The following R3HCC1L variants were observed in gnomAD, a reference collection of about 807,000 sequenced individuals.
R3HCC1L encodes R3H domain and coiled-coil containing 1 like, also known as coiled-coil domain-containing protein R3HCC1L.
In R3HCC1L, 51 loss-of-function variants were observed where a neutral mutation model predicts 59.9. The ratio of observed to expected loss-of-function variants is 0.85; its 90% CI spans 0.68 to 1.07. R3HCC1L has a LOEUF of 1.07. Ranked by LOEUF, R3HCC1L falls within the 50% of genes least tolerant of loss-of-function variation. R3HCC1L has a pLI of 0.00. For missense variants in R3HCC1L, 965 were observed against 933.0 expected, an observed-to-expected ratio of 1.03 and a Z score of -0.45; for synonymous variants, 322 against 315.2, an observed-to-expected ratio of 1.02 and a Z score of -0.23.
intron 4 of R3HCC1L, among the ~76,000 whole-genome samples, chr10:98,193,726 T>C (rs909562484): frequency 2.6e-5 from 4 of 152,166 alleles, no homozygotes; most frequent in Non-Finnish European, 5.9e-5. Flanking sequence ...TCAATGAGCA[T>C]TTCCCTTGAG....
chr10:98,221,654 G>T (rs374174204), intron 5 of R3HCC1L, among the ~76,000 whole-genome samples: 19 of 151,852 alleles, frequency 1.3e-4, no homozygotes, highest in East Asian at 3.9e-4. Flanking sequence ...CCCATTGCTT[G>T]TTTTTGTCAG....
chr10:98,189,261 G>T (rs944021525), intron 4 of R3HCC1L, among the ~76,000 whole-genome samples: 1 of 152,154 alleles, frequency 6.6e-6, no homozygotes, highest in Non-Finnish European at 1.5e-5. Flanking sequence ...AAAAAATAGT[G>T]ATCTGGAGGT....
chr10:98,243,439 G>C (rs1857757459), intron 9 of R3HCC1L, among the ~76,000 whole-genome samples: 1 of 152,172 alleles, frequency 6.6e-6, no homozygotes, highest in African/African-American at 2.4e-5. Flanking sequence ...AAGTGTTATG[G>C]AGAACCAAGC....
intron 5 of R3HCC1L, among the ~76,000 whole-genome samples, chr10:98,222,129 CT>C (rs1231009687): frequency 1.3e-5 from 2 of 152,042 alleles, no homozygotes; most frequent in African/African-American, 4.8e-5. Flanking sequence ...GTATTTTATT[CT>C]TTTTGAAGCA....
At chr10:98,191,809 A>G (rs1191805722) in intron 4 of R3HCC1L, among the ~76,000 whole-genome samples, 1 of 152,088 alleles carries the variant, frequency 6.6e-6, no homozygotes, top group Admixed American at 6.6e-5. Context: ...TCTTTAATCC[A>G]TCTTGAATCA....
In R3HCC1L at chr10:98,208,317, CT is replaced by C; in HGVS notation, c.204del (p.Arg69GlufsTer3). ...QKEVFKDKPE[A>X]RRLNINPDRK... The stretch of plus-strand genomic sequence containing the variant: ...GAAGTCTTTAAAGACAAACCGGAGG[CT>C]CGAAGACTAAATATCAATCCTGATA... On this transcript the variant is annotated frameshift_variant, in exon 5 of 10. Coordinates refer to ENST00000298999, the MANE Select transcript of R3HCC1L (RefSeq NM_001351015.2). LOFTEE classifies it high-confidence loss of function. 6.2e-7 allele frequency: 1 copy of C among 1,614,074 alleles called. No homozygotes were observed. The highest frequency in any genetic ancestry group is 8.5e-7 in the Non-Finnish European group (1 of 1,180,008).
chr10:98,211,197 AGTG>A, intron 5 of R3HCC1L: 1 of 617,788 alleles, frequency 1.6e-6, no homozygotes, highest in South Asian at 2.2e-5. Flanking sequence ...TCTCAAAGGC[AGTG>A]ATTTCCAAAG....
At chr10:98,152,530 A>C (rs1383256917) in intron 1 of R3HCC1L, among the ~76,000 whole-genome samples, 108 of 81,890 alleles carry the variant, frequency 1.3e-3, no homozygotes, top group Admixed American at 2.5e-3. Flanking sequence ...CCGGCCGCCC[A>C]GTCTGGGAAG....
chr10:98,139,687 G>C (rs993630842), intron 1 of R3HCC1L, among the ~76,000 whole-genome samples: 1 of 152,190 alleles, frequency 6.6e-6, no homozygotes, highest in African/African-American at 2.4e-5. Context: ...GCAGCAGTAA[G>C]CCTGCATTTG....
chr10:98,191,783 A>G (rs1456552462), intron 4 of R3HCC1L, among the ~76,000 whole-genome samples: 1 of 152,114 alleles, frequency 6.6e-6, no homozygotes, highest in African/African-American at 2.4e-5. Context: ...TTATGGTTTT[A>G]GGTCTAACAT....
At chr10:98,196,549 C>T (rs1365519668) in intron 4 of R3HCC1L, among the ~76,000 whole-genome samples, 2 of 152,136 alleles carry the variant, frequency 1.3e-5, no homozygotes, top group African/African-American at 4.8e-5. Context: ...CGTGTGCTAC[C>T]ATGTCCAACT....
At position 98,217,928 on chromosome 10, in the gene R3HCC1L, A is replaced by G. The variant is rs147843366; in HGVS notation, c.1785+8029A>G. Among the ~76,000 whole-genome samples, 37 of 152,086 alleles carry G rather than the reference A, an allele frequency of 2.4e-4. No individual in the cohort carries two copies. The East Asian group carries it at 5.8e-3, about 24-fold the overall frequency. On this transcript the variant is annotated intron_variant, in intron 5 of 9. Coordinates refer to ENST00000298999, the MANE Select transcript of R3HCC1L (RefSeq NM_001351015.2). The stretch of plus-strand genomic sequence containing the variant: ...CTGAGAGTTTTTTGGTGGAGTCATT[A>G]GATTTTTCTATAAGATCATTTCATC...
At position 98,204,624 on chromosome 10, in the gene R3HCC1L, G is replaced by A. The variant is rs936228387; in HGVS notation, c.-14-3477G>A. ...ATATAGTGTTCTCCTCTTTTCCACG[G>A]TTTTGCTTTCCATGATTTCAGTTCC... On this transcript the variant is annotated intron_variant, in intron 4 of 9. Coordinates refer to ENST00000298999, the MANE Select transcript of R3HCC1L (RefSeq NM_001351015.2). 2.0e-5 allele frequency among the ~76,000 whole-genome samples: 3 copies of A among 152,206 alleles called. No homozygotes were observed. The South Asian group carries it at 6.2e-4, about 32-fold the overall frequency.
intron 4 of R3HCC1L, among the ~76,000 whole-genome samples, chr10:98,177,292 G>C (rs1849128979): frequency 6.6e-6 from 1 of 151,868 alleles, no homozygotes; most frequent in Non-Finnish European, 1.5e-5. Context: ...TTGGTTTTCT[G>C]TCCTTGGAAT....
rs140646636 is a variant in R3HCC1L at position 98,177,044 on chromosome 10, A to G, written c.-15+13647A>G. ...TTAAAATTAATTTATTAATTAATTT[A>G]TTATACTTTAAGTTCTAGGGTACAT... On this transcript the variant is annotated intron_variant, in intron 4 of 9. Coordinates refer to ENST00000298999, the MANE Select transcript of R3HCC1L (RefSeq NM_001351015.2). Among the ~76,000 whole-genome samples, 352 of 152,264 alleles carry G rather than the reference A, an allele frequency of 2.3e-3. 2 individuals carry two copies. Among genetic ancestry groups the G allele is most frequent in the African/African-American group, 8.0e-3 (332 of 41,548 alleles).
At chr10:98,238,926 G>C (rs762234934) in intron 9 of R3HCC1L, among the ~76,000 whole-genome samples, 7 of 152,138 alleles carry the variant, frequency 4.6e-5, no homozygotes, top group Non-Finnish European at 8.8e-5. Context: ...TAGAAATAGA[G>C]AATATCTGCA....
rs367954332 is a variant in R3HCC1L, at chr10:98,157,089, C to G, written c.-213+942C>G. Among the ~76,000 whole-genome samples, 10 of 152,080 alleles carry G rather than the reference C, an allele frequency of 6.6e-5. No homozygotes were observed. In the East Asian group the frequency reaches 1.9e-3, roughly 29 times the overall value. On this transcript the variant is annotated intron_variant, in intron 2 of 9. Coordinates refer to ENST00000298999, the MANE Select transcript of R3HCC1L (RefSeq NM_001351015.2). The stretch of plus-strand genomic sequence containing the variant: ...ATTTTGAAGGCATAGTTTCTTTTTT[C>G]TCCTCATCCTTTGTTGCTTTTGAGA...
rs749524971 is a variant in R3HCC1L at position 98,208,241 on chromosome 10, C to T, written c.127C>T (p.Pro43Ser). 1.2e-5 allele frequency: 20 copies of T among 1,613,874 alleles called. No homozygotes were observed. The highest frequency in any genetic ancestry group is 6.7e-5 in the Admixed American group (4 of 59,988). Residue 43 changes from proline (P) to serine (S), a missense_variant, in exon 5 of 10, where the codon CCT becomes TCT. Transcript: ENST00000298999. ...TGDEEESCGSPNSVVKEKQKE... is the reference protein window; with the variant it reads ...TGDEEESCGSSNSVVKEKQKE... The stretch of plus-strand genomic sequence containing the variant: ...TGATGAAGAAGAAAGCTGTGGTTCA[C>T]CTAACTCTGTGGTGAAAGAAAAGCA...
chr10:98,234,351 C>G (rs573511700), intron 6 of R3HCC1L, 95 bp from the exon 7 acceptor site: 1 of 1,125,720 alleles, frequency 8.9e-7, no homozygotes, highest in African/African-American at 1.6e-5. Flanking sequence ...TTGAGTGTTT[C>G]TATCTTGTGA....
Sources: gnomAD v4.1 joint callset for allele counts (sites outside exome capture counted in the v4.1 genomes callset) on GRCh38, gnomAD v4.1.1 for gene constraint, MANE v1.5 for transcripts, NCBI Gene and HGNC (gene_info 2026-07-23, HGNC 2026-07-21) for gene names.